The following SDR42E2 variants were observed in gnomAD, a reference collection of about 807,000 sequenced individuals.
SDR42E2 encodes the protein short chain dehydrogenase/reductase family 42E, member 2, also known as putative short-chain dehydrogenase/reductase family 42E member 2.
In SDR42E2, 20 loss-of-function variants were observed where a neutral mutation model predicts 10.5. The ratio of observed to expected loss-of-function variants is 1.90; its 90% CI spans 1.34 to 2.77. SDR42E2 has a LOEUF of 2.77. Ranked by LOEUF, SDR42E2 falls within the 30% of genes most tolerant of loss-of-function variation. The pLI is 0.00. For missense variants in SDR42E2, 162 were observed against 104.2 expected (o/e 1.55, Z -2.42); for synonymous variants, 72 against 39.2 (o/e 1.84, Z -3.12).
chr16:22,184,595 C>A (rs1391858484), intron 11 of SDR42E2, among the ~76,000 whole-genome samples: 1 of 152,142 alleles, frequency 6.6e-6, no homozygotes, highest in Non-Finnish European at 1.5e-5. Flanking sequence ...GAGTGAGACT[C>A]TGTCTCAAAA....
At chr16:22,166,121 G>A (rs2046536093) in intron 2 of SDR42E2, 129 bp from the exon 3 acceptor site, 1 of 484,792 alleles carries the variant, frequency 2.1e-6, no homozygotes, top group South Asian at 3.8e-5. Flanking sequence ...TCGGTACCTG[G>A]GCCGGGAGCT....
intron 5 of SDR42E2, 44 bp downstream of exon 5, chr16:22,169,546 T>C (rs2142062674): frequency 1.4e-6 from 1 of 703,090 alleles, no homozygotes; most frequent in Non-Finnish European, 2.6e-6. Flanking sequence ...CCTCTCCCCC[T>C]CTCTCCCTTC....
chr16:22,187,610 A>C (rs142772146), intron 12 of SDR42E2, among the ~76,000 whole-genome samples: 15 of 151,998 alleles, frequency 9.9e-5, no homozygotes, highest in South Asian at 6.2e-4. Context: ...ACCAAAAAAA[A>C]AAAAAAAGAT....
intron 7 of SDR42E2, among the ~76,000 whole-genome samples, chr16:22,176,285 AT>A (rs529359703): frequency 3.2e-4 from 48 of 150,230 alleles, no homozygotes; most frequent in African/African-American, 9.0e-4. Flanking sequence ...TGCCTGGCTA[AT>A]TTTTTTTTTC....
intron 7 of SDR42E2, among the ~76,000 whole-genome samples, chr16:22,174,174 T>C (rs1195593460): frequency 6.6e-6 from 1 of 151,296 alleles, no homozygotes; most frequent in African/African-American, 2.4e-5. Flanking sequence ...CTACTAAAAA[T>C]ACAAAAAAAT....
chr16:22,185,405 C>T (rs1374190518), intron 11 of SDR42E2, among the ~76,000 whole-genome samples: 1 of 152,172 alleles, frequency 6.6e-6, no homozygotes, highest in African/African-American at 2.4e-5. Flanking sequence ...TTGGTACTCC[C>T]GGCCCTGAGC....
At chr16:22,184,697 G>A (rs1374418056) in intron 11 of SDR42E2, among the ~76,000 whole-genome samples, 3 of 152,180 alleles carry the variant, frequency 2.0e-5, no homozygotes, top group Non-Finnish European at 4.4e-5. Flanking sequence ...AGGAGGCCAC[G>A]CAGCAGCTCC....
chr16:22,181,549 C>T lies in SDR42E2; in HGVS notation c.703C>T (p.Arg235Ter), dbSNP rs758930786. 3 of 703,036 alleles carry T rather than the reference C, an allele frequency of 4.3e-6. No homozygotes were observed. Among genetic ancestry groups the T allele is most frequent in the South Asian group, 1.5e-5 (1 of 67,604 alleles). The allele number at this position is 703,036 out of a possible 1,614,324, so 43.5% of individuals were successfully genotyped here. The change falls in exon 9 of 13, where the codon CGA becomes TGA. Residue 235 changes from arginine (R) to a stop codon, truncating the protein, a stop_gained. Transcript: ENST00000602312. LOFTEE classifies it high-confidence loss of function. The stretch of plus-strand genomic sequence containing the variant: ...CATCAAGAAGAGGCTGTTCATGTTC[C>T]GATTTGGGGACCACAAGGCACGGAT... Reference protein sequence around the residue: ...GHIKKRLFMFRFGDHKARMNW... With the variant: ...GHIKKRLFMF
Position 22,182,293 on chromosome 16 carries a change from C to G in SDR42E2, c.876+16C>G. 2.5e-6 allele frequency: 1 copy of G among 401,178 alleles called. No homozygotes were observed. 24.9% of individuals were successfully genotyped at this position (401,178 alleles called of 1,614,324 possible). ...GGCCCCACTGGTAGGTGCACAGATG[C>G]CCACCCACCCCGAATGATCATTCTG... On this transcript the variant is annotated intron_variant, in intron 10 of 12. Coordinates refer to ENST00000602312, the MANE Select transcript of SDR42E2 (RefSeq NM_001394319.2).
At chr16:22,176,053 T>G (rs1158374573) in intron 7 of SDR42E2, among the ~76,000 whole-genome samples, 2 of 152,218 alleles carry the variant, frequency 1.3e-5, no homozygotes, top group African/African-American at 4.8e-5. Flanking sequence ...AGTTATAGTG[T>G]TCTATAGCAC....
chr16:22,174,940 G>A (rs1054762760), intron 7 of SDR42E2, among the ~76,000 whole-genome samples: 2 of 152,090 alleles, frequency 1.3e-5, no homozygotes, highest in African/African-American at 4.8e-5. Context: ...CAGGAGTCCC[G>A]CTGCAGTCAC....
intron 7 of SDR42E2, among the ~76,000 whole-genome samples, chr16:22,175,116 A>G (rs2046633645): frequency 6.6e-6 from 1 of 152,098 alleles, no homozygotes; most frequent in South Asian, 2.1e-4. Context: ...GTGTGTTAGT[A>G]TCCTGTGGCA....
chr16:22,190,402 C>G lies in SDR42E2; in HGVS notation c.*9C>G. 2.5e-6 allele frequency: 1 copy of G among 401,534 alleles called. No individual in the cohort carries two copies. The allele number at this position is 401,534 out of a possible 1,614,324, so 24.9% of individuals were successfully genotyped here. On this transcript the variant is annotated 3_prime_UTR_variant, in exon 13 of 13. Coordinates refer to ENST00000602312, the MANE Select transcript of SDR42E2 (RefSeq NM_001394319.2). ...CCGTGGAGCGCCTGTGACCGTCCGC[C>G]GTCCGCCGCCCGCTAGGGTCGGCCC... is the stretch of plus-strand genomic sequence containing the variant.
chr16:22,172,615 T>C (rs1207635503), intron 7 of SDR42E2, among the ~76,000 whole-genome samples: 2 of 152,194 alleles, frequency 1.3e-5, no homozygotes, highest in African/African-American at 2.4e-5. Flanking sequence ...TCTCTCTCTT[T>C]TCTCCTGCAC....
At chr16:22,177,553 G>A (rs1053811152) in intron 7 of SDR42E2, among the ~76,000 whole-genome samples, 13 of 152,076 alleles carry the variant, frequency 8.5e-5, no homozygotes, top group East Asian at 3.9e-4. Flanking sequence ...GCTTGAACCC[G>A]GGAGATGGAG....
intron 7 of SDR42E2, among the ~76,000 whole-genome samples, chr16:22,173,861 A>AAT (rs1405776684): frequency 1.4e-5 from 2 of 145,152 alleles, no homozygotes; most frequent in Non-Finnish European, 3.0e-5. Context: ...GTCTGTACAA[A>AAT]ATATATATAT....
rs547960469 is a variant in SDR42E2, at chr16:22,167,684, T to A, written c.336+685T>A. Among the ~76,000 whole-genome samples, 4 of 152,298 alleles carry A rather than the reference T, an allele frequency of 2.6e-5. No homozygotes were observed. In the East Asian group the frequency reaches 7.7e-4, roughly 29 times the overall value. On this transcript the variant is annotated intron_variant, in intron 4 of 12. Coordinates refer to ENST00000602312, the MANE Select transcript of SDR42E2 (RefSeq NM_001394319.2). ...ACTCATTTGTGTATTTGCAGCATTGTTTTTAATAACAAAACACCAGAAATA... is the reference window on the plus strand; with the variant it reads ...ACTCATTTGTGTATTTGCAGCATTGATTTTAATAACAAAACACCAGAAATA...
rs1453263716 is a variant in SDR42E2, at chr16:22,184,226, T to G, written c.922T>G (p.Ser308Ala). Residue 308 changes from serine (S) to alanine (A), a missense_variant, in exon 11 of 13, where the codon TCC becomes GCC. Coordinates refer to ENST00000602312, the MANE Select transcript of SDR42E2 (RefSeq NM_001394319.2). ...CCAGCCCTGGATCCAGGTGCCTACT[T>G]CCTGGGTTTACCTGACAGGTAAGGA... The part of the protein sequence containing the change: ...YSQPWIQVPT[S>A]WVYLTAAVME... 5.0e-6 allele frequency: 2 copies of G among 401,308 alleles called. No homozygotes were observed. The highest frequency in any genetic ancestry group is 4.4e-5 in the Admixed American group (1 of 22,714). The allele number at this position is 401,308 out of a possible 1,614,324, so 24.9% of individuals were successfully genotyped here. A position where few individuals can be genotyped will look rare whatever the true frequency, so the allele number is the denominator to read the frequency against.
chr16:22,173,918 T>TATATATATATATATATATATATAG, intron 7 of SDR42E2, among the ~76,000 whole-genome samples: 1 of 146,886 alleles, frequency 6.8e-6, no homozygotes, highest in Non-Finnish European at 1.5e-5. Flanking sequence ...TATATATATA[T>TATATATATATATATATATATATAG]ATATATATAT....
Sources: gnomAD v4.1 joint callset for allele counts (sites outside exome capture counted in the v4.1 genomes callset) on GRCh38, gnomAD v4.1.1 for gene constraint, MANE v1.5 for transcripts, NCBI Gene and HGNC (gene_info 2026-07-23, HGNC 2026-07-21) for gene names.